FGF7: variants seen among roughly 807,000 people sequenced by gnomAD.
The protein encoded by FGF7 is FGF-7.
In FGF7, 6 loss-of-function variants were observed where a neutral mutation model predicts 20.5. The observed-to-expected ratio is 0.29, with a 90% CI of 0.16 to 0.58. The LOEUF (loss-of-function observed/expected upper bound fraction) is 0.58. Among genes scored for constraint, FGF7 ranks in the 20% least tolerant of loss-of-function variants. FGF7 has a pLI of 0.90. For missense variants in FGF7, 144 were observed against 228.8 expected (o/e 0.63, Z 2.39); for synonymous variants, 64 against 74.7 (o/e 0.86, Z 0.74).
intron 2 of FGF7, among the ~76,000 whole-genome samples, chr15:49,430,822 C>T (rs995602908): frequency 1.3e-5 from 2 of 151,912 alleles, no homozygotes; most frequent in Admixed American, 6.6e-5. Flanking sequence ...ATGGTCCCAT[C>T]TCTTAATACC....
At chr15:49,464,324 G>C (rs2054074479) in intron 2 of FGF7, among the ~76,000 whole-genome samples, 1 of 152,162 alleles carries the variant, frequency 6.6e-6, no homozygotes, top group Non-Finnish European at 1.5e-5. Context: ...AAGAGAAACA[G>C]AAAAGGAATT....
Position 49,456,315 on chromosome 15 carries a change from C to G in FGF7, c.287-26836C>G, listed in dbSNP as rs1021490804. ...TGAAAGAAGTACAAAGTGCAGAGTT[C>G]TATTTAGAAGTTGAAAGAAATAATG... On this transcript the variant is annotated intron_variant, in intron 2 of 3. Coordinates refer to ENST00000267843, the MANE Select transcript of FGF7 (RefSeq NM_002009.4). Among the ~76,000 whole-genome samples the G allele has an allele frequency of 2.0e-5, 3 of 152,078 alleles. 1 individual carries two copies. Among genetic ancestry groups the G allele is most frequent in the Middle Eastern group, 6.8e-3 (2 of 294 alleles).
intron 2 of FGF7, among the ~76,000 whole-genome samples, chr15:49,440,103 A>G (rs1160910838): frequency 1.3e-5 from 2 of 151,802 alleles, no homozygotes; most frequent in African/African-American, 4.8e-5. Flanking sequence ...TAACTTTTCA[A>G]AATGACATCA....
At chr15:49,461,870 A>C (rs2151930721) in intron 2 of FGF7, among the ~76,000 whole-genome samples, 1 of 152,334 alleles carries the variant, frequency 6.6e-6, no homozygotes. Flanking sequence ...TATCTAATAC[A>C]CATAGCTTTA....
At chr15:49,471,414 C>T (rs1028955500) in intron 2 of FGF7, among the ~76,000 whole-genome samples, 1 of 150,924 alleles carries the variant, frequency 6.6e-6, no homozygotes, top group Non-Finnish European at 1.5e-5. Flanking sequence ...ACCTGAGAGG[C>T]GGAGGTTGTA....
intron 2 of FGF7, among the ~76,000 whole-genome samples, chr15:49,457,316 G>T (rs938894726): frequency 6.6e-6 from 1 of 151,886 alleles, no homozygotes; most frequent in South Asian, 2.1e-4. Context: ...TCAAATCAGC[G>T]TGTAAACTAC....
At chr15:49,455,830 G>A (rs1359590476) in intron 2 of FGF7, among the ~76,000 whole-genome samples, 3 of 152,112 alleles carry the variant, frequency 2.0e-5, no homozygotes, top group Admixed American at 1.3e-4. Flanking sequence ...TCACTATTGG[G>A]TATTATTGAA....
Position 49,476,232 on chromosome 15 carries a change from G to GTTTTTTTTTTTTTTTTTTTTTTTTTTTTT in FGF7, c.287-6906_287-6905insTTTTTTTTTTTTTTTTTTTTTTTTTTTTT. 5.7e-4 allele frequency among the ~76,000 whole-genome samples: 33 copies of GTTTTTTTTTTTTTTTTTTTTTTTTTTTTT among 57,440 alleles called. 3 individuals are homozygous for GTTTTTTTTTTTTTTTTTTTTTTTTTTTTT. The highest frequency in any genetic ancestry group is 1.4e-3 in the East Asian group (3 of 2,222). The allele number at this position is 57,440 out of a possible 152,430, so 37.7% of individuals were successfully genotyped here. ...TTGCTGTTTTGTTTTTTTGTTTTTG[G>GTTTTTTTTTTTTTTTTTTTTTTTTTTTTT]TTTTTTTTTTTTTGCATTTGGCATA... On this transcript the variant is annotated intron_variant, in intron 2 of 3. Transcript: ENST00000267843.
chr15:49,465,952 G>A (rs1481770196), intron 2 of FGF7, among the ~76,000 whole-genome samples: 14 of 152,110 alleles, frequency 9.2e-5, no homozygotes, highest in Admixed American at 7.2e-4. Flanking sequence ...CCAAGTACTG[G>A]GGGTTAGCTG....
intron 2 of FGF7, among the ~76,000 whole-genome samples, chr15:49,426,955 T>C (rs1244616283): frequency 1.3e-5 from 2 of 151,990 alleles, no homozygotes; most frequent in Non-Finnish European, 2.9e-5. Flanking sequence ...GCTATCTTAT[T>C]GGAGAAGGAG....
At chr15:49,448,674 C>CAT (rs145584113) in intron 2 of FGF7, among the ~76,000 whole-genome samples, 3,501 of 149,090 alleles carry the variant, frequency 0.023, 92 homozygotes, top group African/African-American at 0.068. Flanking sequence ...CACATATGTA[C>CAT]ATATATATAT....
intron 2 of FGF7, among the ~76,000 whole-genome samples, chr15:49,468,323 T>G (rs1030028942): frequency 6.6e-6 from 1 of 152,216 alleles, no homozygotes; most frequent in South Asian, 2.1e-4. Flanking sequence ...TATGCAATCA[T>G]GTGGAACTAT....
At chr15:49,461,225 T>A (rs1238800165) in intron 2 of FGF7, among the ~76,000 whole-genome samples, 1 of 152,176 alleles carries the variant, frequency 6.6e-6, no homozygotes, top group East Asian at 1.9e-4. Flanking sequence ...TCCTTGTCAT[T>A]TGGGCTAATT....
At chr15:49,463,869 A>G (rs2054023594) in intron 2 of FGF7, among the ~76,000 whole-genome samples, 1 of 152,208 alleles carries the variant, frequency 6.6e-6, no homozygotes, top group South Asian at 2.1e-4. Flanking sequence ...GCACAGAAAT[A>G]TCGTTTTTTA....
At chr15:49,456,909 C>G (rs1486744157) in intron 2 of FGF7, among the ~76,000 whole-genome samples, 6 of 152,082 alleles carry the variant, frequency 3.9e-5, no homozygotes, top group Non-Finnish European at 8.8e-5. Flanking sequence ...CATTACAATT[C>G]AATCCAATTT....
intron 2 of FGF7, among the ~76,000 whole-genome samples, chr15:49,458,272 G>T (rs960681595): frequency 1.3e-5 from 2 of 151,196 alleles, no homozygotes; most frequent in African/African-American, 2.4e-5. Context: ...AATATACTCT[G>T]GAGAAAAAGA....
At chr15:49,465,304 C>CT (rs67362920) in intron 2 of FGF7, among the ~76,000 whole-genome samples, 52,789 of 140,514 alleles carry the variant, frequency 0.38, 11,338 homozygotes, top group East Asian at 0.55. Context: ...TTTTCTTTTT[C>CT]TTTTTTTTTT....
At chr15:49,432,576 T>A (rs1412422737) in intron 2 of FGF7, among the ~76,000 whole-genome samples, 1 of 151,656 alleles carries the variant, frequency 6.6e-6, no homozygotes, top group Non-Finnish European at 1.5e-5. Flanking sequence ...TGAGAGCTAT[T>A]GTCTAAGGAT....
At chr15:49,467,393 G>C (rs1250616950) in intron 2 of FGF7, among the ~76,000 whole-genome samples, 2 of 152,024 alleles carry the variant, frequency 1.3e-5, no homozygotes, top group African/African-American at 4.8e-5. Flanking sequence ...CTTATACACA[G>C]TATAAATTTA....
Sources: gnomAD v4.1 joint callset for allele counts (sites outside exome capture counted in the v4.1 genomes callset) on GRCh38, gnomAD v4.1.1 for gene constraint, MANE v1.5 for transcripts, NCBI Gene and HGNC (gene_info 2026-07-23, HGNC 2026-07-21) for gene names.